The following SHISA9 variants were observed in gnomAD, a reference collection of about 807,000 sequenced individuals.
The protein encoded by SHISA9 is shisa family member 9, also known as protein shisa-9.
In SHISA9, 13 loss-of-function variants were observed where a neutral mutation model predicts 38.0. The observed-to-expected ratio is 0.34, with a 90% CI of 0.22 to 0.54. The LOEUF (loss-of-function observed/expected upper bound fraction) is 0.54, where lower values mean the gene tolerates loss of function less well. Ranked by LOEUF, SHISA9 falls within the 20% of genes least tolerant of loss-of-function variation. SHISA9 has a pLI of 0.91. For synonymous variants in SHISA9, 275 were observed against 242.0 expected (o/e 1.14, Z -1.27); for missense variants, 538 against 575.8 (o/e 0.93, Z 0.67).
At chr16:13,461,774 C>G in the SHISA9 span, among the ~76,000 whole-genome samples, 1 of 151,404 alleles carries the variant, frequency 6.6e-6, no homozygotes, top group East Asian at 2.0e-4. Flanking sequence ...CCACCACGCC[C>G]AGCTAATTTT....
chr16:12,947,921 C>T (rs1218530493), intron 2 of SHISA9, among the ~76,000 whole-genome samples: 2 of 152,190 alleles, frequency 1.3e-5, no homozygotes, highest in African/African-American at 4.8e-5. Context: ...AACCTGGGGC[C>T]ACCTGAATCG....
At chr16:13,516,151 A>G in the SHISA9 span, among the ~76,000 whole-genome samples, 1 of 152,202 alleles carries the variant, frequency 6.6e-6, no homozygotes, top group Admixed American at 6.5e-5. Context: ...CTGATCTTCA[A>G]CCCAGATAAA....
chr16:13,327,228 C>G, the SHISA9 span, among the ~76,000 whole-genome samples: 1 of 152,048 alleles, frequency 6.6e-6, no homozygotes, highest in Non-Finnish European at 1.5e-5. Flanking sequence ...CATGTCCTTG[C>G]CTGGGAGGAA....
the SHISA9 span, among the ~76,000 whole-genome samples, chr16:13,433,818 C>G: frequency 2.0e-5 from 3 of 152,172 alleles, no homozygotes; most frequent in Non-Finnish European, 4.4e-5. Flanking sequence ...ATAGGCAGCC[C>G]TGGTGTGCTT....
chr16:13,542,799 A>C, the SHISA9 span, among the ~76,000 whole-genome samples: 1 of 152,270 alleles, frequency 6.6e-6, no homozygotes, highest in African/African-American at 2.4e-5. Context: ...AAAATTCAAG[A>C]GGTATTCCAC....
rs58309847 is a variant in SHISA9, at chr16:12,974,479, G to GTTT, written c.691+57689_691+57691dup. 4.7e-3 allele frequency among the ~76,000 whole-genome samples: 431 copies of GTTT among 91,778 alleles called. 36 individuals carry two copies. Among genetic ancestry groups the GTTT allele is most frequent in the African/African-American group, 0.018 (412 of 23,258 alleles). The allele number at this position is 91,778 out of a possible 152,430, so 60.2% of individuals were successfully genotyped here. A position where few individuals can be genotyped will look rare whatever the true frequency, so the allele number is the denominator to read the frequency against. Reference sequence around the variant, plus strand: ...CATGGCTAGCAAGTGATTTCTGGTGGTTTTTTTTTTTTTTTTTTTTTTTTT... The same window carrying GTTT: ...CATGGCTAGCAAGTGATTTCTGGTGGTTTTTTTTTTTTTTTTTTTTTTTTTTTT... On this transcript the variant is annotated intron_variant, in intron 2 of 4. Transcript: ENST00000558583.
Position 13,203,533 on chromosome 16 carries a change from C to T in SHISA9, c.831C>T (p.Ala277=), listed in dbSNP as rs980536704. 9.7e-6 allele frequency: 15 copies of T among 1,540,184 alleles called. No individual in the cohort carries two copies. Among genetic ancestry groups the T allele is most frequent in the Non-Finnish European group, 1.3e-5 (15 of 1,141,752 alleles). The change falls in exon 3 of 5, where the codon GCC becomes GCT. Residue 277 remains alanine (A), a synonymous_variant. Transcript: ENST00000558583. ...CAGGAAAAGAGCTCAACAAGTACGC[C>T]TCCTTAAAGGCAGTCGGTAAGTGCC... ...QPPGKELNKY[A]SLKAVGSSDG...
intron 2 of SHISA9, among the ~76,000 whole-genome samples, chr16:13,009,749 G>C (rs1258810138): frequency 6.6e-6 from 1 of 152,222 alleles, no homozygotes; most frequent in Admixed American, 6.5e-5. Context: ...CAGCCAAGGG[G>C]AAGAGTGAAA....
At chr16:13,007,883 A>G (rs1412567807) in intron 2 of SHISA9, among the ~76,000 whole-genome samples, 1 of 151,908 alleles carries the variant, frequency 6.6e-6, no homozygotes, top group South Asian at 2.1e-4. Flanking sequence ...TTATCCTACA[A>G]TGGAAGGGGC....
the SHISA9 span, among the ~76,000 whole-genome samples, chr16:13,532,455 G>A: frequency 6.6e-6 from 1 of 152,078 alleles, no homozygotes; most frequent in Non-Finnish European, 1.5e-5. Flanking sequence ...GACTGACCTG[G>A]GCTTGAATCC....
chr16:13,398,702 G>T, the SHISA9 span, among the ~76,000 whole-genome samples: 1 of 151,992 alleles, frequency 6.6e-6, no homozygotes, highest in Non-Finnish European at 1.5e-5. Context: ...AGTAGAGACA[G>T]AGTTTCACCA....
At chr16:13,083,734 G>GTGGGGAAAGAAACCTTATTGGGGT (rs2073680039) in intron 2 of SHISA9, among the ~76,000 whole-genome samples, 1 of 152,168 alleles carries the variant, frequency 6.6e-6, no homozygotes, top group Non-Finnish European at 1.5e-5. Flanking sequence ...GCTTCAGGGG[G>GTGGGGAAAGAAACCTTATTGGGGT]TGGGGAAAGA....
intron 2 of SHISA9, among the ~76,000 whole-genome samples, chr16:13,135,013 A>G (rs1406328967): frequency 6.6e-6 from 1 of 152,162 alleles, no homozygotes; most frequent in Non-Finnish European, 1.5e-5. Context: ...TGCGAGTCAC[A>G]TGACTCAGCT....
the SHISA9 span, among the ~76,000 whole-genome samples, chr16:13,315,457 C>A: frequency 1.3e-5 from 2 of 152,276 alleles, no homozygotes; most frequent in East Asian, 3.9e-4. Flanking sequence ...ATATTCATTA[C>A]CTCGTTTAAT....
At chr16:13,092,647 C>T (rs911922023) in intron 2 of SHISA9, among the ~76,000 whole-genome samples, 2 of 152,242 alleles carry the variant, frequency 1.3e-5, no homozygotes, top group African/African-American at 2.4e-5. Flanking sequence ...GAGAGAATCA[C>T]CTTGTCTGCC....
chr16:13,417,842 T>C, the SHISA9 span, among the ~76,000 whole-genome samples: 5 of 152,204 alleles, frequency 3.3e-5, no homozygotes, highest in African/African-American at 1.2e-4. Context: ...GTGGTGACCC[T>C]ATCAACATGC....
intron 2 of SHISA9, among the ~76,000 whole-genome samples, chr16:13,181,304 TATATATATACACAC>T (rs1255753293): frequency 2.1e-4 from 9 of 42,848 alleles, no homozygotes; most frequent in Non-Finnish European, 2.5e-4. Flanking sequence ...TATATATATA[TATATATATACACAC>T]ACACACACAC....
chr16:13,000,543 C>T (rs1252376855), intron 2 of SHISA9, among the ~76,000 whole-genome samples: 1 of 152,118 alleles, frequency 6.6e-6, no homozygotes, highest in Non-Finnish European at 1.5e-5. Flanking sequence ...GAGTAACTCC[C>T]TGGAATGTCT....
intron 2 of SHISA9, among the ~76,000 whole-genome samples, chr16:12,990,856 A>G (rs1858943626): frequency 6.6e-6 from 1 of 152,116 alleles, no homozygotes; most frequent in Non-Finnish European, 1.5e-5. Context: ...AACCAAACAT[A>G]TTTCACCCAT....
Sources: allele counts gnomAD v4.1 joint callset (sites outside exome capture counted in the v4.1 genomes callset), GRCh38; gene constraint gnomAD v4.1.1; transcripts MANE v1.5; gene names NCBI Gene and HGNC (gene_info 2026-07-23, HGNC 2026-07-21).